The following LIPJ variants were observed in gnomAD, a reference collection of about 807,000 sequenced individuals.
LIPJ encodes lipase member J.
In LIPJ, 33 loss-of-function variants were observed where a neutral mutation model predicts 39.8. The observed-to-expected ratio is 0.83, with a 90% CI of 0.63 to 1.11. The LOEUF (loss-of-function observed/expected upper bound fraction) is 1.11, where lower values mean the gene tolerates loss of function less well. Ranked by LOEUF, LIPJ falls within the 50% of genes least tolerant of loss-of-function variation. LIPJ has a pLI of 0.00. For synonymous variants in LIPJ, 128 were observed against 139.2 expected (o/e 0.92, Z 0.57); for missense variants, 422 against 427.9 (o/e 0.99, Z 0.12).
chr10:88,605,763 T>G, intron 10 of LIPJ, 59 bp downstream of exon 10: 1 of 1,048,790 alleles, frequency 9.5e-7, no homozygotes, highest in Non-Finnish European at 1.5e-6. Flanking sequence ...AACTTTGCTA[T>G]AGATCAAGGA....
At chr10:88,615,619 C>T in the LIPJ span, among the ~76,000 whole-genome samples, 3 of 113,866 alleles carry the variant, frequency 2.6e-5, no homozygotes, top group African/African-American at 1.1e-4. Flanking sequence ...CAGTGTGAGA[C>T]TCCACCTCAA....
the LIPJ span, among the ~76,000 whole-genome samples, chr10:88,613,770 GTA>G: frequency 7.0e-3 from 529 of 75,502 alleles, 6 homozygotes; most frequent in African/African-American, 0.014. Flanking sequence ...ATGTGTGTGT[GTA>G]TATATATATA....
chr10:88,591,533 TG>T, intron 4 of LIPJ, 35 bp downstream of exon 4: 1 of 1,568,032 alleles, frequency 6.4e-7, no homozygotes. Flanking sequence ...GGTGACAATC[TG>T]GGGCCTGAAG....
chr10:88,602,551 T>C (rs1851527459), intron 8 of LIPJ, 25 bp from the exon 9 acceptor site: 1 of 71,012 alleles, frequency 1.4e-5, no homozygotes, highest in Non-Finnish European at 2.7e-5. Context: ...ATAAAAATGC[T>C]TTTTTTTTTT....
chr10:88,591,621 T>A, intron 4 of LIPJ, 123 bp downstream of exon 4: 1 of 790,526 alleles, frequency 1.3e-6, no homozygotes, highest in Admixed American at 2.7e-5. Flanking sequence ...TAACTTCCCA[T>A]GTATCTTCTC....
downstream of LIPJ, among the ~76,000 whole-genome samples, chr10:88,607,594 T>C (rs949501717): frequency 2.0e-5 from 3 of 152,174 alleles, no homozygotes; most frequent in African/African-American, 7.2e-5. Context: ...GCACTGTCGC[T>C]TGGTGCATAT....
At chr10:88,613,794 ATATATATGTG>A in the LIPJ span, among the ~76,000 whole-genome samples, 1 of 49,596 alleles carries the variant, frequency 2.0e-5, no homozygotes, top group African/African-American at 9.8e-5. Flanking sequence ...ATATATATAT[ATATATATGTG>A]TGTGTGTGTG....
exon 6 of LIPJ, chr10:88,594,759 C>T: frequency 6.6e-7 from 1 of 1,515,400 alleles, no homozygotes; most frequent in South Asian, 1.3e-5. Flanking sequence ...GTAGGCCATT[C>T]ACAGGGTACT....
At chr10:88,622,690 C>G in the LIPJ span, among the ~76,000 whole-genome samples, 1 of 152,040 alleles carries the variant, frequency 6.6e-6, no homozygotes, top group African/African-American at 2.4e-5. Flanking sequence ...AGGGAGGAGT[C>G]AGAGGTGAAA....
At chr10:88,596,840 C>A (rs751090349) in exon 8 of LIPJ, 1 of 1,601,078 alleles carries the variant, frequency 6.2e-7, no homozygotes, top group Non-Finnish European at 8.5e-7. Context: ...TTAAAAAATT[C>A]ATTGGTTCAA....
chr10:88,610,810 A>G (rs1384713886), downstream of LIPJ, among the ~76,000 whole-genome samples: 1 of 152,258 alleles, frequency 6.6e-6, no homozygotes, highest in Non-Finnish European at 1.5e-5. Flanking sequence ...AATGGACAGC[A>G]TAATTTTAAA....
Position 88,596,427 on chromosome 10 carries a change from C to A in LIPJ, c.576+11C>A. On this transcript the variant is annotated intron_variant, in intron 7 of 10. Transcript: ENST00000371939. ...AAGTCAATAGTCATGGTATGTTCTA[C>A]CTTTATTTTATGTCATTGATAACCC... 6.7e-7 allele frequency: 1 copy of A among 1,487,774 alleles called. No homozygotes were observed. The highest frequency in any genetic ancestry group is 1.4e-5 in the South Asian group (1 of 69,632). 92.2% of individuals were successfully genotyped at this position (1,487,774 alleles called of 1,614,324 possible).
At chr10:88,582,940 G>T (rs112535033), upstream of LIPJ, 12,417 of 1,057,094 alleles carry the variant, frequency 0.012, 357 homozygotes, top group South Asian at 0.084. Context: ...CGCATGGGCC[G>T]CGCTACACGG....
At chr10:88,594,021 A>G (rs764820220) in exon 5 of LIPJ, 5 of 1,612,360 alleles carry the variant, frequency 3.1e-6, no homozygotes, top group South Asian at 1.1e-5. Flanking sequence ...CTTCCCAACA[A>G]TAGTCTGGGC....
downstream of LIPJ, among the ~76,000 whole-genome samples, chr10:88,611,175 C>T (rs577662007): frequency 3.3e-5 from 5 of 152,288 alleles, no homozygotes; most frequent in African/African-American, 1.2e-4. Context: ...ACGATCATTA[C>T]AGTTTGGCTC....
chr10:88,590,533 G>A, intron 2 of LIPJ, 52 bp from the exon 3 acceptor site: 1 of 562,664 alleles, frequency 1.8e-6, no homozygotes, highest in Non-Finnish European at 3.2e-6. Flanking sequence ...TTTTATAAAT[G>A]GTATTATTTG....
At chr10:88,583,670 T>C (rs1850795311), upstream of LIPJ, 1 of 988,464 alleles carries the variant, frequency 1.0e-6, no homozygotes, top group African/African-American at 1.7e-5. Flanking sequence ...TTTCCTCTAA[T>C]GCTTGAACGG....
At chr10:88,606,915 T>C (rs767342322) in exon 11 of LIPJ, 2 of 1,483,990 alleles carry the variant, frequency 1.3e-6, no homozygotes, top group East Asian at 2.4e-5. Flanking sequence ...TAAAGAACCA[T>C]GGCGCTGTGT....
downstream of LIPJ, among the ~76,000 whole-genome samples, chr10:88,607,754 G>C (rs1402883380): frequency 6.6e-6 from 1 of 152,142 alleles, no homozygotes; most frequent in African/African-American, 2.4e-5. Context: ...AAGACAATGG[G>C]CATCACCAGG....
Sources: gnomAD v4.1 joint callset for allele counts (sites outside exome capture counted in the v4.1 genomes callset) on GRCh38, gnomAD v4.1.1 for gene constraint, MANE v1.5 for transcripts, NCBI Gene and HGNC (gene_info 2026-07-23, HGNC 2026-07-21) for gene names.